Variants in TRIM71 observed in about 807,000 individuals in gnomAD.
TRIM71 encodes tripartite motif containing 71, also known as E3 ubiquitin-protein ligase TRIM71.
A neutral mutation model predicts 61.2 loss-of-function variants in TRIM71; 9 were observed. The observed-to-expected ratio is 0.15, with a 90% CI of 0.09 to 0.26. TRIM71 has a LOEUF of 0.26. TRIM71 is among the 10% of genes least tolerant of loss of function. The probability of loss-of-function intolerance (pLI) is 1.00; values close to 1 mark genes in which losing one functional copy is unlikely to be tolerated. For missense variants in TRIM71, 998 were observed against 1,238.7 expected (o/e 0.81, Z 2.92); for synonymous variants, 645 against 553.2 (o/e 1.17, Z -2.33).
chr3:32,856,497 C>T (rs1696606446), intron 1 of TRIM71, among the ~76,000 whole-genome samples: 1 of 152,066 alleles, frequency 6.6e-6, no homozygotes, highest in Non-Finnish European at 1.5e-5. Context: ...CATCATAGTG[C>T]CAAGCATGAG....
At chr3:32,871,099 G>T (rs996349837) in intron 1 of TRIM71, among the ~76,000 whole-genome samples, 7 of 151,908 alleles carry the variant, frequency 4.6e-5, no homozygotes, top group African/African-American at 1.7e-4. Flanking sequence ...TTTAGTTTCT[G>T]TTGTCAAGTC....
intron 1 of TRIM71, among the ~76,000 whole-genome samples, chr3:32,842,217 T>G (rs1487224806): frequency 6.6e-6 from 1 of 152,206 alleles, no homozygotes; most frequent in African/African-American, 2.4e-5. Flanking sequence ...AAACTGTTAG[T>G]TTGATAATGG....
Position 32,833,634 on chromosome 3 carries a change from T to TTTTATTTATTTA in TRIM71, c.852+14734_852+14745dup, listed in dbSNP as rs572371235. 7.1e-3 allele frequency among the ~76,000 whole-genome samples: 1,036 copies of TTTTATTTATTTA among 146,778 alleles called. 6 individuals carry two copies. Among genetic ancestry groups the TTTTATTTATTTA allele is most frequent in the South Asian group, 0.015 (68 of 4,626 alleles). The stretch of plus-strand genomic sequence containing the variant: ...GGCTGCAGGAGTACTGAGAATGCTT[T>TTTTATTTATTTA]TTTATTTATTTATTTATTTATTTAT... On this transcript the variant is annotated intron_variant, in intron 1 of 3. Coordinates refer to ENST00000383763, the MANE Select transcript of TRIM71 (RefSeq NM_001039111.3).
At position 32,873,945 on chromosome 3, in the gene TRIM71, A is replaced by C. The variant is rs1250190378; in HGVS notation, c.980A>C (p.Gln327Pro). Reference protein sequence around the residue: ...ALQDSRALTIQLLADAQQGRQ... With the variant: ...ALQDSRALTIPLLADAQQGRQ... ...CAGGACTCACGGGCACTCACCATCC[A>C]GCTGCTGGCAGATGCCCAGCAGGGA... The change falls in exon 2 of 4, where the codon CAG becomes CCG. Residue 327 changes from glutamine (Q) to proline (P), a missense_variant. Coordinates refer to ENST00000383763, the MANE Select transcript of TRIM71 (RefSeq NM_001039111.3). 6.2e-7 allele frequency: 1 copy of C among 1,613,440 alleles called. No homozygotes were observed. The highest frequency in any genetic ancestry group is 1.3e-5 in the African/African-American group (1 of 75,042).
At chr3:32,888,434 C>CAAAAAA (rs56834147) in intron 3 of TRIM71, among the ~76,000 whole-genome samples, 2 of 95,842 alleles carry the variant, frequency 2.1e-5, no homozygotes, top group African/African-American at 8.9e-5. Flanking sequence ...CCATCTCTAC[C>CAAAAAA]AAAAAAAAAA....
At position 32,818,168 on chromosome 3, in the gene TRIM71, T is replaced by C. The variant is rs775021191; in HGVS notation, c.88T>C (p.Ser30Pro). The C allele has an allele frequency of 6.2e-7, 1 of 1,603,212 alleles. No individual in the cohort carries two copies. The highest frequency in any genetic ancestry group is 1.1e-5 in the South Asian group (1 of 90,734). The change falls in exon 1 of 4, where the codon TCC becomes CCC. Residue 30 changes from serine (S) to proline (P), a missense_variant. Transcript: ENST00000383763. ...GSPAPLSSNSSASSSSSQTST... is the reference protein window; with the variant it reads ...GSPAPLSSNSPASSSSSQTST... ...GCCGGCGCCGCTCTCCTCCAACTCGTCCGCGTCGTCGTCCTCCTCGCAGAC... is the reference window on the plus strand; with the variant it reads ...GCCGGCGCCGCTCTCCTCCAACTCGCCCGCGTCGTCGTCCTCCTCGCAGAC...
At chr3:32,828,762 G>C (rs1160938172) in intron 1 of TRIM71, among the ~76,000 whole-genome samples, 1 of 152,092 alleles carries the variant, frequency 6.6e-6, no homozygotes, top group Non-Finnish European at 1.5e-5. Flanking sequence ...TCCTCCCAAA[G>C]TGCTGGGATT....
At chr3:32,843,211 C>A (rs552141083) in intron 1 of TRIM71, among the ~76,000 whole-genome samples, 135 of 152,250 alleles carry the variant, frequency 8.9e-4, no homozygotes, top group African/African-American at 3.2e-3. Context: ...CCCTCTGCTT[C>A]CTGCTACTTT....
chr3:32,878,976 T>G (rs540801370), intron 2 of TRIM71, among the ~76,000 whole-genome samples: 1 of 152,292 alleles, frequency 6.6e-6, no homozygotes, highest in African/African-American at 2.4e-5. Context: ...GTCTGTTGTT[T>G]AGCTGTCTTC....
rs1001252322 is a variant in TRIM71 at position 32,893,651 on chromosome 3, G to A, written c.*1840G>A. 3 of 152,158 alleles carry A rather than the reference G, an allele frequency of 2.0e-5. No individual in the cohort carries two copies. Among genetic ancestry groups the A allele is most frequent in the African/African-American group, 7.2e-5 (3 of 41,440 alleles). 9.4% of individuals were successfully genotyped at this position (152,158 alleles called of 1,614,324 possible). A position where few individuals can be genotyped will look rare whatever the true frequency, so the allele number is the denominator to read the frequency against. Reference sequence around the variant, plus strand: ...AAATTTCTATTGCAAAATGGGTATCGTTTTAAATGAGCAGAACAGATTAAC... The same window carrying A: ...AAATTTCTATTGCAAAATGGGTATCATTTTAAATGAGCAGAACAGATTAAC... On this transcript the variant is annotated 3_prime_UTR_variant, in exon 4 of 4. Transcript: ENST00000383763.
Position 32,895,403 on chromosome 3 carries a change from C to T in TRIM71, c.*3592C>T, listed in dbSNP as rs1697067417. 2 of 152,132 alleles carry T rather than the reference C, an allele frequency of 1.3e-5. No individual in the cohort carries two copies. The highest frequency in any genetic ancestry group is 1.3e-4 in the Admixed American group (2 of 15,280). 9.4% of individuals were successfully genotyped at this position (152,132 alleles called of 1,614,324 possible). A position where few individuals can be genotyped will look rare whatever the true frequency, so the allele number is the denominator to read the frequency against. On this transcript the variant is annotated 3_prime_UTR_variant, in exon 4 of 4. Coordinates refer to ENST00000383763, the MANE Select transcript of TRIM71 (RefSeq NM_001039111.3). ...AGAGATAGCTTGAGATCGGCTCAGT[C>T]TGATTTATTCTAGTTAAGCCAAAGC... is the stretch of plus-strand genomic sequence containing the variant.
intron 1 of TRIM71, among the ~76,000 whole-genome samples, chr3:32,843,202 C>G (rs1696431629): frequency 1.3e-5 from 2 of 152,094 alleles, no homozygotes; most frequent in Non-Finnish European, 2.9e-5. Flanking sequence ...CCAAGGGAGC[C>G]CTCTGCTTCC....
chr3:32,855,943 G>T (rs1559543774), intron 1 of TRIM71, among the ~76,000 whole-genome samples: 1 of 152,130 alleles, frequency 6.6e-6, no homozygotes, highest in East Asian at 1.9e-4. Flanking sequence ...GTTCATTGTT[G>T]GTGCTGACTT....
At position 32,818,227 on chromosome 3, in the gene TRIM71, T is replaced by C. The variant is rs866356190; in HGVS notation, c.147T>C (p.Pro49=). ...STSSGGGGGG[P]GAAARRLHVL... Reference sequence around the variant, plus strand: ...CGTCGGGGGGCGGCGGCGGGGGCCCTGGGGCGGCGGCGCGCCGCCTACACG... The same window carrying C: ...CGTCGGGGGGCGGCGGCGGGGGCCCCGGGGCGGCGGCGCGCCGCCTACACG... The change falls in exon 1 of 4, where the codon CCT becomes CCC. Residue 49 remains proline, a synonymous_variant. Transcript: ENST00000383763. 6.6e-7 allele frequency: 1 copy of C among 1,515,210 alleles called. No individual in the cohort carries two copies. Among genetic ancestry groups the C allele is most frequent in the Middle Eastern group, 1.9e-4 (1 of 5,362 alleles). 93.9% of individuals were successfully genotyped at this position (1,515,210 alleles called of 1,614,324 possible).
chr3:32,843,179 A>T (rs1307236374), intron 1 of TRIM71, among the ~76,000 whole-genome samples: 1 of 152,160 alleles, frequency 6.6e-6, no homozygotes, highest in Non-Finnish European at 1.5e-5. Flanking sequence ...CAAGAGGGGC[A>T]GGGCCTCACC....
At position 32,890,767 on chromosome 3, in the gene TRIM71, C is replaced by G. The variant is rs757353296; in HGVS notation, c.1563C>G (p.Gly521=). The G allele has an allele frequency of 1.2e-6, 2 of 1,614,118 alleles. No homozygotes were observed. The highest frequency in any genetic ancestry group is 2.2e-5 in the South Asian group (2 of 91,072). ...DHDGEPRLSG[G]DLMSAVVLGP... Reference sequence around the variant, plus strand: ...ATGGTGAGCCCCGCCTCTCAGGAGGCGACCTGATGTCGGCTGTGGTCCTGG... The same window carrying G: ...ATGGTGAGCCCCGCCTCTCAGGAGGGGACCTGATGTCGGCTGTGGTCCTGG... Residue 521 remains glycine (G), a synonymous_variant, in exon 4 of 4, where the codon GGC becomes GGG. Transcript: ENST00000383763. This position sits in a 1 kb window ranked among gnomAD's most constrained non-coding sequence, Gnocchi z 6.2.
At chr3:32,851,250 T>A (rs1696535603) in intron 1 of TRIM71, among the ~76,000 whole-genome samples, 1 of 152,228 alleles carries the variant, frequency 6.6e-6, no homozygotes, top group Non-Finnish European at 1.5e-5. Flanking sequence ...AATTTGAATT[T>A]CAGGCTACAA....
chr3:32,850,049 A>G (rs1696521021), intron 1 of TRIM71, among the ~76,000 whole-genome samples: 2 of 152,220 alleles, frequency 1.3e-5, no homozygotes, highest in African/African-American at 4.8e-5. Context: ...AACCCCACGC[A>G]TCTGGATGGT....
chr3:32,834,807 A>C (rs920545412), intron 1 of TRIM71, among the ~76,000 whole-genome samples: 11 of 151,952 alleles, frequency 7.2e-5, no homozygotes, highest in Non-Finnish European at 1.2e-4. Context: ...GCACGGCTGC[A>C]CTCCAGCCTG....
Sources: allele counts gnomAD v4.1 joint callset (sites outside exome capture counted in the v4.1 genomes callset), GRCh38; gene constraint gnomAD v4.1.1; non-coding constraint Gnocchi (gnomAD v3.1); transcripts MANE v1.5; gene names NCBI Gene and HGNC (gene_info 2026-07-23, HGNC 2026-07-21).